Variants in RCAN2 observed in about 807,000 individuals in gnomAD.
RCAN2 encodes the protein calcipressin-2.
In RCAN2, 9 loss-of-function variants were observed where a neutral mutation model predicts 23.6. The observed-to-expected ratio is 0.38, with a 90% CI of 0.23 to 0.67. The LOEUF (loss-of-function observed/expected upper bound fraction) is 0.67, where lower values mean the gene tolerates loss of function less well. Among genes scored for constraint, RCAN2 ranks in the 30% least tolerant of loss-of-function variants. The pLI, the probability that RCAN2 is intolerant of heterozygous loss-of-function variation, is 0.51. For synonymous variants in RCAN2, 109 were observed against 115.7 expected, an observed-to-expected ratio of 0.94 and a Z score of 0.37; for missense variants, 273 against 302.3, an observed-to-expected ratio of 0.90 and a Z score of 0.72.
intron 2 of RCAN2, among the ~76,000 whole-genome samples, chr6:46,329,632 T>G (rs968111114): frequency 6.6e-6 from 1 of 152,128 alleles, no homozygotes; most frequent in Non-Finnish European, 1.5e-5. Flanking sequence ...GGGAGGCTTT[T>G]GCAGAAGGGC....
intron 2 of RCAN2, among the ~76,000 whole-genome samples, chr6:46,420,806 C>CA (rs1193804092): frequency 3.3e-5 from 5 of 152,096 alleles, no homozygotes; most frequent in African/African-American, 1.2e-4. Context: ...CTCGGCCCCC[C>CA]AAACAGCTGG....
intron 2 of RCAN2, among the ~76,000 whole-genome samples, chr6:46,377,574 G>A (rs559197980): frequency 1.3e-5 from 2 of 152,314 alleles, no homozygotes; most frequent in South Asian, 2.1e-4. Flanking sequence ...GCAGACACTG[G>A]CTAACAGAAG....
chr6:46,403,187 A>G (rs1405066620), intron 2 of RCAN2, among the ~76,000 whole-genome samples: 2 of 151,938 alleles, frequency 1.3e-5, no homozygotes, highest in Non-Finnish European at 2.9e-5. Flanking sequence ...GGATGGTCTC[A>G]ATCTCCTGAC....
At chr6:46,430,888 A>G (rs1767178512) in intron 2 of RCAN2, among the ~76,000 whole-genome samples, 1 of 152,220 alleles carries the variant, frequency 6.6e-6, no homozygotes, top group Non-Finnish European at 1.5e-5. Flanking sequence ...ATAAGAAAAA[A>G]ATGATTTTCC....
At chr6:46,276,589 G>A (rs546291319) in intron 2 of RCAN2, among the ~76,000 whole-genome samples, 1 of 152,290 alleles carries the variant, frequency 6.6e-6, no homozygotes, top group South Asian at 2.1e-4. Flanking sequence ...CAGATCTGAA[G>A]GGTTATACAC....
At position 46,456,898 on chromosome 6, in the gene RCAN2, A is replaced by C; in HGVS notation, c.79T>G (p.Leu27Val). 6.4e-7 allele frequency: 1 copy of C among 1,550,738 alleles called. No homozygotes were observed. Reference sequence around the variant, plus strand: ...CAGTCCCTGTCTATGCAGCACAGTAAGAAAAGTCCTCCATCTTCAGGGACG... The same window carrying C: ...CAGTCCCTGTCTATGCAGCACAGTACGAAAAGTCCTCCATCTTCAGGGACG... The part of the protein sequence containing the change: ...GHVPEDGGLF[L>V]LCCIDRDWAV... The change falls in exon 2 of 5, where the codon TTA becomes GTA. Residue 27 changes from leucine (L) to valine (V), a missense_variant. Transcript: ENST00000371374.
At chr6:46,384,122 C>G (rs540677407) in intron 2 of RCAN2, among the ~76,000 whole-genome samples, 1 of 152,218 alleles carries the variant, frequency 6.6e-6, no homozygotes, top group Non-Finnish European at 1.5e-5. Context: ...ATTGGTGGAC[C>G]TCACTGCTGG....
At chr6:46,377,124 A>C (rs1765496005) in intron 2 of RCAN2, among the ~76,000 whole-genome samples, 1 of 152,186 alleles carries the variant, frequency 6.6e-6, no homozygotes, top group Non-Finnish European at 1.5e-5. Flanking sequence ...GGATATACCC[A>C]TGGTTATGCC....
chr6:46,406,673 C>G (rs1269131157), intron 2 of RCAN2, among the ~76,000 whole-genome samples: 1 of 152,134 alleles, frequency 6.6e-6, no homozygotes, highest in Admixed American at 6.5e-5. Flanking sequence ...TTTAGAAAAG[C>G]CTTTGCTTTA....
At chr6:46,434,905 T>G (rs1010063145) in intron 2 of RCAN2, among the ~76,000 whole-genome samples, 1 of 152,160 alleles carries the variant, frequency 6.6e-6, no homozygotes, top group Non-Finnish European at 1.5e-5. Context: ...ACACAAAGAA[T>G]TATCAGTCAG....
chr6:46,450,984 C>A (rs1255099847), intron 2 of RCAN2, among the ~76,000 whole-genome samples: 2 of 151,968 alleles, frequency 1.3e-5, no homozygotes, highest in Non-Finnish European at 2.9e-5. Flanking sequence ...TCAAATTAGT[C>A]ATTACATAAT....
At chr6:46,356,897 A>C (rs990202424) in intron 2 of RCAN2, among the ~76,000 whole-genome samples, 5 of 152,374 alleles carry the variant, frequency 3.3e-5, no homozygotes, top group Non-Finnish European at 7.3e-5. Context: ...AAGGGGGCTA[A>C]AGGACCTATC....
chr6:46,372,252 T>C (rs1051908964), intron 2 of RCAN2, among the ~76,000 whole-genome samples: 1 of 152,200 alleles, frequency 6.6e-6, no homozygotes, highest in Non-Finnish European at 1.5e-5. Flanking sequence ...AGCACCTATT[T>C]TTTATTGAGC....
intron 2 of RCAN2, among the ~76,000 whole-genome samples, chr6:46,260,172 A>G (rs2150325401): frequency 6.6e-6 from 1 of 152,292 alleles, no homozygotes; most frequent in African/African-American, 2.4e-5. Context: ...GAGGCCACCC[A>G]GGGCCCCTAG....
intron 2 of RCAN2, among the ~76,000 whole-genome samples, chr6:46,330,234 G>A (rs1209184795): frequency 6.6e-6 from 1 of 152,118 alleles, no homozygotes; most frequent in Non-Finnish European, 1.5e-5. Flanking sequence ...AACATCACTA[G>A]TGAGCTTATT....
At chr6:46,422,129 T>C (rs1322064758) in intron 2 of RCAN2, among the ~76,000 whole-genome samples, 1 of 152,106 alleles carries the variant, frequency 6.6e-6, no homozygotes, top group Non-Finnish European at 1.5e-5. Flanking sequence ...GGAGGATCCC[T>C]CACTAATAGA....
At chr6:46,431,924 G>A (rs1249898255) in intron 2 of RCAN2, among the ~76,000 whole-genome samples, 4 of 152,100 alleles carry the variant, frequency 2.6e-5, no homozygotes, top group Non-Finnish European at 2.9e-5. Context: ...AACTACATCC[G>A]TATGTTTATA....
intron 2 of RCAN2, among the ~76,000 whole-genome samples, chr6:46,406,437 G>A (rs1232477955): frequency 6.6e-6 from 1 of 152,172 alleles, no homozygotes; most frequent in Non-Finnish European, 1.5e-5. Context: ...CTATTTTTTG[G>A]TCTGTTTTCA....
At chr6:46,276,925 G>C (rs944712564) in intron 2 of RCAN2, among the ~76,000 whole-genome samples, 54 of 152,190 alleles carry the variant, frequency 3.5e-4, no homozygotes, top group African/African-American at 1.1e-3. Flanking sequence ...CAGATGCCTG[G>C]GTTGACTTCC....
Sources: allele counts gnomAD v4.1 joint callset (sites outside exome capture counted in the v4.1 genomes callset), GRCh38; gene constraint gnomAD v4.1.1; transcripts MANE v1.5; gene names NCBI Gene and HGNC (gene_info 2026-07-23, HGNC 2026-07-21).